UGT1A1: variants seen among roughly 807,000 people sequenced by gnomAD.
The protein encoded by UGT1A1 is UDP glucuronosyltransferase family 1 member A1.
UGT1A1 carries 33 observed loss-of-function variants against 40.6 expected under a neutral mutation model. That is an observed-to-expected ratio of 0.81 (90% CI 0.62 to 1.09). The LOEUF (loss-of-function observed/expected upper bound fraction) is 1.09. Ranked by LOEUF, UGT1A1 falls within the 50% of genes least tolerant of loss-of-function variation. UGT1A1 has a pLI of 0.00. For missense variants in UGT1A1, 694 were observed against 671.2 expected, an observed-to-expected ratio of 1.03 and a Z score of -0.38; for synonymous variants, 249 against 265.0, an observed-to-expected ratio of 0.94 and a Z score of 0.59.
At chr2:233,771,559 G>GTA (rs1700328528) in intron 4 of UGT1A1, 1 of 152,152 alleles carries the variant, frequency 6.6e-6, no homozygotes, top group South Asian at 2.1e-4. Flanking sequence ...CTGTTAATTT[G>GTA]GCCAGAGGTG....
chr2:233,768,054 A>G (rs1384127703), intron 3 of UGT1A1, 118 bp downstream of exon 3: 4 of 1,603,256 alleles, frequency 2.5e-6, no homozygotes, highest in East Asian at 4.5e-5. Context: ...CATATCCTAC[A>G]TTGCTTTTTA....
chr2:233,762,781 ATCTAC>A (rs1211615114), intron 1 of UGT1A1, among the ~76,000 whole-genome samples: 2 of 150,458 alleles, frequency 1.3e-5, no homozygotes, highest in African/African-American at 4.9e-5. Flanking sequence ...CTAGCTGATT[ATCTAC>A]TCATTACTCA....
Position 233,772,431 on chromosome 2 carries a change from A to G in UGT1A1, c.1474A>G (p.Ile492Val), listed in dbSNP as rs2126066962. The G allele has an allele frequency of 4.3e-6, 7 of 1,614,128 alleles. No individual in the cohort carries two copies. The East Asian group carries it at 1.6e-4, about 36-fold the overall frequency. The change falls in exon 5 of 5, where the codon ATT (isoleucine) becomes GTT (valine). Residue 492 changes from isoleucine (I) to valine (V), a missense_variant. By Grantham distance (29) the Ile-to-Val change is conservative (BLOSUM62 3). Coordinates refer to ENST00000305208, the MANE Select transcript of UGT1A1 (RefSeq NM_000463.3). ...TWYQYHSLDV[I>V]GFLLAVVLTV... ...GTACCAGTACCATTCCTTGGACGTG[A>G]TTGGTTTCCTCTTGGCCGTCGTGCT...
chr2:233,767,835 T>C lies in UGT1A1; in HGVS notation c.997-14T>C. Reference sequence around the variant, plus strand: ...TGTTCTTTCTTTACGTTCTGCTCTTTTTGCCCCTCCCAGGTCCTGTGGCGG... The same window carrying C: ...TGTTCTTTCTTTACGTTCTGCTCTTCTTGCCCCTCCCAGGTCCTGTGGCGG... On this transcript the variant is annotated splice_polypyrimidine_tract_variant and intron_variant, in intron 2 of 4. Coordinates refer to ENST00000305208, the MANE Select transcript of UGT1A1 (RefSeq NM_000463.3). 1.9e-6 allele frequency: 3 copies of C among 1,614,192 alleles called. No homozygotes were observed. Among genetic ancestry groups the C allele is most frequent in the Non-Finnish European group, 2.5e-6 (3 of 1,180,034 alleles).
At chr2:233,771,306 T>TTTCCCTCTCCTC (rs2126060458) in intron 4 of UGT1A1, 1 of 152,368 alleles carries the variant, frequency 6.6e-6, no homozygotes, top group South Asian at 2.1e-4. Context: ...TCCTCCTCCT[T>TTTCCCTCTCCTC]TTCCCTCTCC....
chr2:233,768,093 C>G (rs1004945846), intron 3 of UGT1A1, 127 bp from the exon 4 acceptor site: 31 of 1,591,334 alleles, frequency 1.9e-5, no homozygotes, highest in Non-Finnish European at 2.5e-5. Context: ...CCCACATTTT[C>G]TTCTGCAAAT....
rs376515645 is a variant in UGT1A1, at chr2:233,760,285, G to T, written c.-3G>T. The stretch of plus-strand genomic sequence containing the variant: ...GCGAACCTCTGGCAGGAGCAAAGGC[G>T]CCATGGCTGTGGAGTCCCAGGGCGG... On this transcript the variant is annotated 5_prime_UTR_variant, in exon 1 of 5. Transcript: ENST00000305208. The T allele has an allele frequency of 6.9e-5, 112 of 1,612,816 alleles. No individual in the cohort carries two copies. The highest frequency in any genetic ancestry group is 8.9e-5 in the Non-Finnish European group (105 of 1,179,948).
chr2:233,772,849 C>T lies in UGT1A1; in HGVS notation c.*290C>T, dbSNP rs1021003584. The T allele has an allele frequency of 7.7e-6, 6 of 777,596 alleles. No individual in the cohort carries two copies. In the African/African-American group the frequency reaches 8.9e-5, roughly 11 times the overall value. 48.2% of individuals were successfully genotyped at this position (777,596 alleles called of 1,614,324 possible). On this transcript the variant is annotated 3_prime_UTR_variant, in exon 5 of 5. Transcript: ENST00000305208. ...CTGGCATTCTAGATTACTTTTCTTACTCTGAAACATGGCCTGTTTGGGAGT... is the reference window on the plus strand; with the variant it reads ...CTGGCATTCTAGATTACTTTTCTTATTCTGAAACATGGCCTGTTTGGGAGT...
At chr2:233,762,433 T>C (rs1249713494) in intron 1 of UGT1A1, among the ~76,000 whole-genome samples, 1 of 152,232 alleles carries the variant, frequency 6.6e-6, no homozygotes, top group African/African-American at 2.4e-5. Context: ...AGAGTAACAG[T>C]GTATTCCCAC....
chr2:233,771,091 C>CAGG (rs1700235837), intron 4 of UGT1A1: 1 of 152,122 alleles, frequency 6.6e-6, no homozygotes, highest in African/African-American at 2.4e-5. Flanking sequence ...AACTCACTAT[C>CAGG]AGGAAGACAG....
Position 233,768,558 on chromosome 2 carries a change from T to C in UGT1A1, c.1304+119T>C. On this transcript the variant is annotated intron_variant, in intron 4 of 4. Transcript: ENST00000305208. ...TGTTTCAAATATAAAAACAAATACA[T>C]AAAAATCTGGATTTTTATTTCTTCT... 3.4e-6 allele frequency: 4 copies of C among 1,184,218 alleles called. No individual in the cohort carries two copies. In the South Asian group the frequency reaches 4.4e-5, roughly 13 times the overall value. The allele number at this position is 1,184,218 out of a possible 1,614,324, so 73.4% of individuals were successfully genotyped here.
chr2:233,769,603 GA>G lies in UGT1A1; in HGVS notation c.1304+1165del. 1 of 1,612,818 alleles carries G rather than the reference GA, an allele frequency of 6.2e-7. No individual in the cohort carries two copies. The highest frequency in any genetic ancestry group is 1.1e-5 in the South Asian group (1 of 91,040). On this transcript the variant is annotated intron_variant, in intron 4 of 4. Transcript: ENST00000305208. This position sits in a 1 kb window ranked among gnomAD's most constrained non-coding sequence, Gnocchi z 4.4. ...CAGATGAGAGGAGACGGAACACGGG[GA>G]CACACCAGCTTGAGCAAGGGACAAC...
At chr2:233,766,869 G>A (rs1460136088) in intron 1 of UGT1A1, among the ~76,000 whole-genome samples, 165 bp from the exon 2 acceptor site, 1 of 152,162 alleles carries the variant, frequency 6.6e-6, no homozygotes, top group African/African-American at 2.4e-5. Context: ...GTAAAGGAGA[G>A]GAAAATGCTG....
chr2:233,771,369 G>A (rs987787590), intron 4 of UGT1A1: 2 of 151,684 alleles, frequency 1.3e-5, no homozygotes, highest in African/African-American at 4.8e-5. Flanking sequence ...CACCTAACCC[G>A]TTTTGGATTG....
chr2:233,767,810 T>C lies in UGT1A1; in HGVS notation c.997-39T>C, dbSNP rs547285080. ...GCAGATTTGTTTTCTAATCATATTA[T>C]GTTCTTTCTTTACGTTCTGCTCTTT... On this transcript the variant is annotated intron_variant, in intron 2 of 4. Transcript: ENST00000305208. 20 of 1,614,194 alleles carry C rather than the reference T, an allele frequency of 1.2e-5. No homozygotes were observed. The South Asian group carries it at 1.9e-4, about 15-fold the overall frequency.
At chr2:233,768,504 G>GA in intron 4 of UGT1A1, 65 bp downstream of exon 4, 1 of 1,558,444 alleles carries the variant, frequency 6.4e-7, no homozygotes. Flanking sequence ...TTTCAAATAT[G>GA]AAAACATTTA....
intron 4 of UGT1A1, chr2:233,771,538 C>A (rs1369830347): frequency 1.3e-5 from 2 of 152,274 alleles, no homozygotes; most frequent in Non-Finnish European, 2.9e-5. Context: ...GGATTTGGCA[C>A]TTACAAATGG....
intron 1 of UGT1A1, among the ~76,000 whole-genome samples, chr2:233,764,942 G>A (rs12479045): frequency 6.6e-5 from 10 of 152,198 alleles, no homozygotes; most frequent in African/African-American, 1.9e-4. Flanking sequence ...TGAGAGTGGC[G>A]GGGAGAGAGG....
Position 233,761,081 on chromosome 2 carries a change from C to T in UGT1A1, c.794C>T (p.Pro265Leu). 2 of 1,614,180 alleles carry T rather than the reference C, an allele frequency of 1.2e-6. No individual in the cohort carries two copies. Among genetic ancestry groups the T allele is most frequent in the Non-Finnish European group, 1.7e-6 (2 of 1,180,032 alleles). Residue 265 changes from proline (P) to leucine (L), a missense_variant, in exon 1 of 5, where the codon CCT becomes CTT. By Grantham distance (98) the Pro-to-Leu change is moderately conservative. Transcript: ENST00000305208. ...AGAAGTGACTTTGTGAAGGATTACC[C>T]TAGGCCCATCATGCCCAATATGGTT... ...LFRSDFVKDY[P>L]RPIMPNMVFV...
Sources: gnomAD v4.1 joint callset for allele counts (sites outside exome capture counted in the v4.1 genomes callset) on GRCh38, gnomAD v4.1.1 for gene constraint, Gnocchi (gnomAD v3.1) non-coding constraint, MANE v1.5 for transcripts, NCBI Gene and HGNC (gene_info 2026-07-23, HGNC 2026-07-21) for gene names.